NUDCD1: variants seen among roughly 807,000 people sequenced by gnomAD.
NUDCD1 encodes the protein NudC domain containing 1.
A neutral mutation model predicts 67.8 loss-of-function variants in NUDCD1; 60 were observed. The observed-to-expected ratio is 0.88, with a 90% confidence interval of 0.72 to 1.10. The LOEUF (loss-of-function observed/expected upper bound fraction) is 1.10. Among genes scored for constraint, NUDCD1 ranks in the 50% least tolerant of loss-of-function variants. The pLI, the probability that NUDCD1 is intolerant of heterozygous loss-of-function variation, is 0.00. For missense variants in NUDCD1, 643 were observed against 695.0 expected (o/e 0.93, Z 0.84); for synonymous variants, 244 against 230.8 (o/e 1.06, Z -0.52).
chr8:109,303,033 T>C (rs1026053813), intron 2 of NUDCD1, among the ~76,000 whole-genome samples: 2 of 152,322 alleles, frequency 1.3e-5, no homozygotes, highest in Non-Finnish European at 2.9e-5. Context: ...AAGCCTAAAC[T>C]GCAGGGGCCA....
In NUDCD1 at chr8:109,287,878, A is replaced by G. The variant is rs373617052; in HGVS notation, c.823+1873T>C. 1.4e-4 allele frequency among the ~76,000 whole-genome samples: 22 copies of G among 152,314 alleles called. No individual in the cohort carries two copies. The East Asian group carries it at 4.2e-3, about 29-fold the overall frequency. ...TTTTAATCACCTCCCCATTGTATAC[A>G]TTGTTGAATGTATACAAACACCTAA... On this transcript the variant is annotated intron_variant, in intron 5 of 9. Transcript: ENST00000239690.
In NUDCD1 at chr8:109,323,560, T is replaced by C. The variant is rs147939175; in HGVS notation, c.119-1097A>G. Reference sequence around the variant, plus strand: ...ATTGTGATAAAGAATAATCACTGGGTACCATGAGAACACATAATGTAAGAG... The same window carrying C: ...ATTGTGATAAAGAATAATCACTGGGCACCATGAGAACACATAATGTAAGAG... On this transcript the variant is annotated intron_variant, in intron 1 of 9. Coordinates refer to ENST00000239690, the MANE Select transcript of NUDCD1 (RefSeq NM_032869.4). Among the ~76,000 whole-genome samples, 24 of 152,120 alleles carry C rather than the reference T, an allele frequency of 1.6e-4. No homozygotes were observed. In the East Asian group the frequency reaches 4.2e-3, roughly 27 times the overall value.
chr8:109,305,622 C>T (rs1043595133), intron 2 of NUDCD1, among the ~76,000 whole-genome samples: 6 of 152,062 alleles, frequency 3.9e-5, no homozygotes, highest in Non-Finnish European at 7.3e-5. Context: ...GTTTCTTGCT[C>T]GGCCCCAACC....
chr8:109,267,030 T>G (rs372252526), intron 8 of NUDCD1, among the ~76,000 whole-genome samples: 8 of 152,322 alleles, frequency 5.3e-5, no homozygotes, highest in African/African-American at 1.9e-4. Context: ...AAACATTGTA[T>G]GAGTATCCAT....
chr8:109,311,767 G>A (rs1383842028), intron 2 of NUDCD1, among the ~76,000 whole-genome samples: 12 of 151,526 alleles, frequency 7.9e-5, no homozygotes, highest in South Asian at 2.1e-4. Flanking sequence ...TTGAGGACTC[G>A]GGGGAAAGAG....
At chr8:109,293,804 T>G (rs1200818771) in intron 3 of NUDCD1, among the ~76,000 whole-genome samples, 1 of 152,076 alleles carries the variant, frequency 6.6e-6, no homozygotes, top group Non-Finnish European at 1.5e-5. Flanking sequence ...TGTATATGAG[T>G]GTGCATGTGT....
At chr8:109,275,853 G>A (rs1305868692) in intron 6 of NUDCD1, among the ~76,000 whole-genome samples, 1 of 152,080 alleles carries the variant, frequency 6.6e-6, no homozygotes, top group Non-Finnish European at 1.5e-5. Context: ...CTGGGGAATG[G>A]TCGGGGGTGT....
At chr8:109,331,720 T>C (rs1447862991) in intron 1 of NUDCD1, among the ~76,000 whole-genome samples, 2 of 152,218 alleles carry the variant, frequency 1.3e-5, no homozygotes, top group African/African-American at 4.8e-5. Context: ...AATATCCTTT[T>C]GTTTATGAAA....
chr8:109,273,058 G>C (rs922044078), intron 7 of NUDCD1, among the ~76,000 whole-genome samples: 1 of 152,182 alleles, frequency 6.6e-6, no homozygotes, highest in African/African-American at 2.4e-5. Context: ...CAAGATTAGA[G>C]AGACAAGGAA....
chr8:109,268,328 TCTAGGGGCAGCC>T (rs1329651214), intron 8 of NUDCD1, among the ~76,000 whole-genome samples: 2 of 152,150 alleles, frequency 1.3e-5, no homozygotes, highest in East Asian at 1.9e-4. Flanking sequence ...CAGCTGCCCC[TCTAGGGGCAGCC>T]AGAGCTGATG....
chr8:109,312,734 A>G (rs1207935203), intron 2 of NUDCD1, among the ~76,000 whole-genome samples: 1 of 152,240 alleles, frequency 6.6e-6, no homozygotes, highest in Non-Finnish European at 1.5e-5. Flanking sequence ...AGTATCAGCC[A>G]GGCCTTTGTT....
chr8:109,249,847 C>CTTTTT (rs35856577), intron 8 of NUDCD1, among the ~76,000 whole-genome samples: 3 of 133,920 alleles, frequency 2.2e-5, no homozygotes, highest in Non-Finnish European at 4.7e-5. Flanking sequence ...TTGTTGAATT[C>CTTTTT]TTTTTTTTTT....
At chr8:109,285,954 G>C (rs1814565733) in intron 5 of NUDCD1, among the ~76,000 whole-genome samples, 1 of 152,026 alleles carries the variant, frequency 6.6e-6, no homozygotes, top group Admixed American at 6.6e-5. Flanking sequence ...TAAAGTTTCA[G>C]AATACAAAAT....
chr8:109,246,633 T>A (rs1310396480), intron 8 of NUDCD1, among the ~76,000 whole-genome samples: 5 of 152,242 alleles, frequency 3.3e-5, no homozygotes, highest in African/African-American at 1.2e-4. Context: ...TCTACAGCAA[T>A]ACTTTTTCTA....
intron 8 of NUDCD1, among the ~76,000 whole-genome samples, chr8:109,268,320 G>A (rs1814053554): frequency 6.6e-6 from 1 of 152,122 alleles, no homozygotes; most frequent in Non-Finnish European, 1.5e-5. Flanking sequence ...AGAGGTTTCA[G>A]CTGCCCCTCT....
At chr8:109,311,286 G>C (rs1460865966) in intron 2 of NUDCD1, among the ~76,000 whole-genome samples, 1 of 152,126 alleles carries the variant, frequency 6.6e-6, no homozygotes, top group Non-Finnish European at 1.5e-5. Context: ...TGTTGGCGTG[G>C]ATGCTGTGAA....
chr8:109,311,572 T>TATATATATATATATA (rs1554617143), intron 2 of NUDCD1, among the ~76,000 whole-genome samples: 8 of 145,376 alleles, frequency 5.5e-5, no homozygotes, highest in African/African-American at 1.1e-4. Context: ...TATATATATA[T>TATATATATATATATA]GATGGGATAC....
intron 1 of NUDCD1, among the ~76,000 whole-genome samples, chr8:109,330,333 C>T (rs1168498415): frequency 6.6e-6 from 1 of 152,148 alleles, no homozygotes; most frequent in East Asian, 1.9e-4. Flanking sequence ...ACACCAGAGA[C>T]CACATCATCT....
intron 8 of NUDCD1, among the ~76,000 whole-genome samples, chr8:109,251,986 A>G (rs1813632991): frequency 6.6e-6 from 1 of 152,030 alleles, no homozygotes; most frequent in Admixed American, 6.6e-5. Context: ...TTTCCTTTTG[A>G]GTTCCACTAT....
Sources: allele counts gnomAD v4.1 joint callset (sites outside exome capture counted in the v4.1 genomes callset), GRCh38; gene constraint gnomAD v4.1.1; transcripts MANE v1.5; gene names NCBI Gene and HGNC (gene_info 2026-07-23, HGNC 2026-07-21).